Variants in SETD3 observed in about 807,000 individuals in gnomAD.
The protein encoded by SETD3 is SET domain containing 3, actin N3(tau)-histidine methyltransferase, also known as actin-histidine N-methyltransferase.
Under a neutral mutation model 63.0 loss-of-function variants are expected in SETD3, and 19 were observed. The ratio of observed to expected loss-of-function variants is 0.30; its 90% confidence interval spans 0.21 to 0.44. The LOEUF is 0.44. Among genes scored for constraint, SETD3 ranks in the 20% least tolerant of loss-of-function variants. The pLI is 1.00. For missense variants in SETD3, 587 were observed against 728.5 expected, an observed-to-expected ratio of 0.81 and a Z score of 2.24; for synonymous variants, 286 against 264.1, an observed-to-expected ratio of 1.08 and a Z score of -0.80.
At chr14:99,478,380 A>G (rs886656630) in intron 1 of SETD3, among the ~76,000 whole-genome samples, 8 of 152,252 alleles carry the variant, frequency 5.3e-5, no homozygotes, top group Non-Finnish European at 1.0e-4. Flanking sequence ...AAGGCACAGC[A>G]GCCAGGGAAC....
intron 6 of SETD3, among the ~76,000 whole-genome samples, chr14:99,451,626 C>T (rs1651153962): frequency 6.6e-6 from 1 of 152,130 alleles, no homozygotes; most frequent in Admixed American, 6.5e-5. Flanking sequence ...CCTGCCTCAG[C>T]CTCCCAAGTA....
intron 4 of SETD3, among the ~76,000 whole-genome samples, chr14:99,460,920 C>G (rs1249964296): frequency 6.6e-6 from 1 of 152,206 alleles, no homozygotes; most frequent in Non-Finnish European, 1.5e-5. Context: ...ATCTCAAAAT[C>G]CTGTGAGGCA....
intron 8 of SETD3, chr14:99,411,158 T>C (rs1362261641): frequency 6.6e-6 from 1 of 152,170 alleles, no homozygotes; most frequent in Non-Finnish European, 1.5e-5. Context: ...GTCAGGAACA[T>C]AACCACTGTA....
rs750647349 is a variant in SETD3 at position 99,405,215 on chromosome 14, C to T, written c.1081G>A (p.Gly361Ser). The change falls in exon 10 of 13, where the codon GGC (glycine) becomes AGC (serine). Residue 361 changes from glycine to serine, a missense_variant. Coordinates refer to ENST00000331768, the MANE Select transcript of SETD3 (RefSeq NM_032233.3). ...AMKAEVLARA[G>S]IPTSSVFALH... ...TGTTTTTCTACGTACGTGGGGATGC[C>T]GGCACGAGCCAAGACCTCGGCCTTC... 3.7e-6 allele frequency: 6 copies of T among 1,612,150 alleles called. No homozygotes were observed. Among genetic ancestry groups the T allele is most frequent in the Non-Finnish European group, 4.2e-6 (5 of 1,179,432 alleles).
chr14:99,460,028 A>G (rs1447968367), intron 4 of SETD3, among the ~76,000 whole-genome samples: 1 of 152,204 alleles, frequency 6.6e-6, no homozygotes, highest in Admixed American at 6.5e-5. Flanking sequence ...CAGCATCCAC[A>G]CAAATACTGC....
intron 1 of SETD3, 85 bp from the exon 2 acceptor site, chr14:99,465,898 T>C: frequency 1.3e-6 from 1 of 797,906 alleles, no homozygotes; most frequent in Admixed American, 2.3e-5. Flanking sequence ...CACATGGCAG[T>C]GTCTTAGTCT....
In SETD3 at chr14:99,452,308, T is replaced by C. The variant is rs555799402; in HGVS notation, c.675+5971A>G. ...TCTCAGTAGAGACGAGGTTTCACCA[T>C]GTTGGCCAGGCTGGTCTCAAACTCT... is the stretch of plus-strand genomic sequence containing the variant. On this transcript the variant is annotated intron_variant, in intron 6 of 12. Transcript: ENST00000331768. Among the ~76,000 whole-genome samples, 4 of 152,362 alleles carry C rather than the reference T, an allele frequency of 2.6e-5. No homozygotes were observed. In the South Asian group the frequency reaches 8.3e-4, roughly 32 times the overall value.
At chr14:99,416,875 A>G (rs1892317418) in intron 6 of SETD3, among the ~76,000 whole-genome samples, 1 of 152,148 alleles carries the variant, frequency 6.6e-6, no homozygotes, top group Non-Finnish European at 1.5e-5. Context: ...GAGCCAGGCA[A>G]CCCAGGGACG....
At chr14:99,437,169 C>T (rs562917721) in intron 6 of SETD3, among the ~76,000 whole-genome samples, 2 of 152,294 alleles carry the variant, frequency 1.3e-5, no homozygotes, top group East Asian at 3.9e-4. Context: ...CGCAGGCACG[C>T]GGAGGATTCA....
At chr14:99,476,656 T>C (rs968950829) in intron 1 of SETD3, among the ~76,000 whole-genome samples, 1 of 152,234 alleles carries the variant, frequency 6.6e-6, no homozygotes, top group Non-Finnish European at 1.5e-5. Context: ...TCAACACTAA[T>C]CTTTACTTCC....
At chr14:99,482,078 A>T (rs1896349358), upstream of SETD3, among the ~76,000 whole-genome samples, 1 of 152,184 alleles carries the variant, frequency 6.6e-6, no homozygotes, top group African/African-American at 2.4e-5. Flanking sequence ...AGAAAATTGG[A>T]GCGTAAGTCT....
At chr14:99,424,226 T>G (rs1892754936) in intron 6 of SETD3, among the ~76,000 whole-genome samples, 1 of 152,226 alleles carries the variant, frequency 6.6e-6, no homozygotes, top group Non-Finnish European at 1.5e-5. Flanking sequence ...AATTGGGTTT[T>G]GAAATCCAGG....
chr14:99,431,243 C>T (rs1483453538), intron 6 of SETD3, among the ~76,000 whole-genome samples: 1 of 152,164 alleles, frequency 6.6e-6, no homozygotes, highest in Non-Finnish European at 1.5e-5. Context: ...TCATGAAGTG[C>T]TCTCATACTT....
intron 6 of SETD3, among the ~76,000 whole-genome samples, chr14:99,442,095 A>C (rs1020327876): frequency 6.6e-6 from 1 of 152,204 alleles, no homozygotes; most frequent in Non-Finnish European, 1.5e-5. Flanking sequence ...TGGAGGACAC[A>C]GCACACTGAC....
At chr14:99,473,817 C>T (rs914059237) in intron 1 of SETD3, among the ~76,000 whole-genome samples, 12 of 152,228 alleles carry the variant, frequency 7.9e-5, no homozygotes, top group Admixed American at 6.5e-5. Context: ...AATGAAGGCA[C>T]TCCCAAACTG....
intron 6 of SETD3, among the ~76,000 whole-genome samples, chr14:99,442,221 T>G (rs986449774): frequency 6.6e-5 from 10 of 152,174 alleles, no homozygotes; most frequent in Middle Eastern, 6.3e-3. Context: ...TACCTTCTCA[T>G]TGGGTTATTA....
chr14:99,478,390 C>A (rs1896082444), intron 1 of SETD3, among the ~76,000 whole-genome samples: 1 of 152,176 alleles, frequency 6.6e-6, no homozygotes, highest in South Asian at 2.1e-4. Flanking sequence ...AGCCAGGGAA[C>A]AGGCAAACCA....
At position 99,461,246 on chromosome 14, in the gene SETD3, T is replaced by C; in HGVS notation, c.291A>G (p.Glu97=). ...SENGASVEGF[E]MVNFKEEGFG... ...AGCCCTCTTCTTTGAAGTTAACCAT[T>C]TCAAAACCCTCGACAGAAGCCCCAT... Residue 97 remains glutamate, a synonymous_variant, in exon 4 of 13, where the codon GAA becomes GAG. Coordinates refer to ENST00000331768, the MANE Select transcript of SETD3 (RefSeq NM_032233.3). The C allele has an allele frequency of 1.2e-6, 2 of 1,614,194 alleles. No homozygotes were observed. The highest frequency in any genetic ancestry group is 2.2e-5 in the East Asian group (1 of 44,890).
At chr14:99,442,378 G>T (rs532681344) in intron 6 of SETD3, among the ~76,000 whole-genome samples, 6 of 152,308 alleles carry the variant, frequency 3.9e-5, no homozygotes, top group African/African-American at 1.4e-4. Flanking sequence ...GAGAATGAAG[G>T]AAAGTCCTTG....
Sources: allele counts gnomAD v4.1 joint callset (sites outside exome capture counted in the v4.1 genomes callset), GRCh38; gene constraint gnomAD v4.1.1; transcripts MANE v1.5; gene names NCBI Gene and HGNC (gene_info 2026-07-23, HGNC 2026-07-21).